Variants in SOX5 observed in about 807,000 individuals in gnomAD.
SOX5 encodes SRY-box transcription factor 5, also known as transcription factor SOX-5.
A neutral mutation model predicts 92.0 loss-of-function variants in SOX5; 9 were observed. That is an observed-to-expected ratio of 0.10 (90% confidence interval 0.06 to 0.17). The LOEUF (loss-of-function observed/expected upper bound fraction) is 0.17, where lower values mean the gene tolerates loss of function less well. SOX5 is among the 10% of genes least tolerant of loss of function. The probability of loss-of-function intolerance (pLI) is 1.00; values close to 1 mark genes in which losing one functional copy is unlikely to be tolerated. For missense variants in SOX5, 642 were observed against 944.5 expected (o/e 0.68, Z 4.20); for synonymous variants, 344 against 336.3 (o/e 1.02, Z -0.25).
At chr12:23,645,830 T>C (rs1461177332) in intron 7 of SOX5, among the ~76,000 whole-genome samples, 1 of 152,206 alleles carries the variant, frequency 6.6e-6, no homozygotes, top group East Asian at 1.9e-4. Context: ...TAAATGTATA[T>C]ATACACAGGA....
chr12:23,717,662 G>T (rs2092584939), intron 6 of SOX5, among the ~76,000 whole-genome samples: 1 of 152,208 alleles, frequency 6.6e-6, no homozygotes, highest in African/African-American at 2.4e-5. Flanking sequence ...CATTATAACA[G>T]ATGATGTGGG....
chr12:23,721,306 A>T (rs1277432963), intron 6 of SOX5, among the ~76,000 whole-genome samples: 2 of 151,992 alleles, frequency 1.3e-5, no homozygotes, highest in Non-Finnish European at 2.9e-5. Flanking sequence ...GCTGGTCTCG[A>T]ACTCCCGACC....
chr12:23,713,150 CAG>C (rs1422181140), intron 6 of SOX5, among the ~76,000 whole-genome samples: 1 of 152,112 alleles, frequency 6.6e-6, no homozygotes, highest in African/African-American at 2.4e-5. Context: ...GGGGAGAAAA[CAG>C]TGTAGGGACA....
intron 2 of SOX5, among the ~76,000 whole-genome samples, chr12:24,284,716 T>C (rs1309975294): frequency 6.6e-6 from 1 of 152,172 alleles, no homozygotes; most frequent in Non-Finnish European, 1.5e-5. Context: ...CTATTCCCTT[T>C]GTCTCTCCAG....
chr12:24,551,194 C>T (rs925759689), intron 1 of SOX5, among the ~76,000 whole-genome samples: 3 of 152,196 alleles, frequency 2.0e-5, no homozygotes, highest in Admixed American at 2.0e-4. Context: ...CTCCCCCCAG[C>T]CCCAAACCAA....
chr12:23,846,082 C>T lies in SOX5; in HGVS notation c.382G>A (p.Ala128Thr). The T allele has an allele frequency of 4.3e-6, 7 of 1,614,136 alleles. No individual in the cohort carries two copies. The highest frequency in any genetic ancestry group is 5.9e-6 in the Non-Finnish European group (7 of 1,180,002). The change falls in exon 3 of 15, where the codon GCC (alanine) becomes ACC (threonine). Residue 128 changes from alanine to threonine, a missense_variant. Coordinates refer to ENST00000451604, the MANE Select transcript of SOX5 (RefSeq NM_006940.6). ...RQSGESLSST[A>T]LGTPERRKGS... ...TTGCGCCGTTCAGGAGTTCCCAGGG[C>T]TGTACTAGACAAGGACTCGCCACTC... is the stretch of plus-strand genomic sequence containing the variant.
At chr12:24,004,316 A>C (rs1248170252) in intron 4 of SOX5, among the ~76,000 whole-genome samples, 3 of 152,006 alleles carry the variant, frequency 2.0e-5, no homozygotes, top group Non-Finnish European at 4.4e-5. Context: ...CTCAAAAAAA[A>C]AAACACAAGC....
In SOX5 at chr12:23,827,646, G is replaced by C. The variant is rs867674404; in HGVS notation, c.481+18337C>G. ...GTTTCGATGTTGCTGTCAGGTACCAGACAGTTGCTTGGCACTGCGGATACA... is the reference window on the plus strand; with the variant it reads ...GTTTCGATGTTGCTGTCAGGTACCACACAGTTGCTTGGCACTGCGGATACA... On this transcript the variant is annotated intron_variant, in intron 3 of 14. Coordinates refer to ENST00000451604, the MANE Select transcript of SOX5 (RefSeq NM_006940.6). 3.3e-5 allele frequency among the ~76,000 whole-genome samples: 5 copies of C among 152,188 alleles called. No homozygotes were observed. The South Asian group carries it at 6.2e-4, about 19-fold the overall frequency.
chr12:24,482,826 T>C (rs1946144239), intron 1 of SOX5, among the ~76,000 whole-genome samples: 1 of 152,216 alleles, frequency 6.6e-6, no homozygotes, highest in African/African-American at 2.4e-5. Flanking sequence ...AATAAGAGTA[T>C]TGTGAATAAA....
At chr12:23,912,612 A>C (rs1391819457) in intron 1 of SOX5, among the ~76,000 whole-genome samples, 4 of 152,232 alleles carry the variant, frequency 2.6e-5, no homozygotes, top group African/African-American at 9.6e-5. Context: ...ATGAATGAAA[A>C]AACAATACGT....
intron 3 of SOX5, among the ~76,000 whole-genome samples, chr12:24,245,893 G>A (rs1452704652): frequency 2.0e-5 from 3 of 152,146 alleles, no homozygotes. Context: ...GTGATAAAGA[G>A]AAGAAAATAA....
chr12:23,674,457 C>A (rs1187747913), intron 6 of SOX5, among the ~76,000 whole-genome samples: 2 of 148,316 alleles, frequency 1.3e-5, no homozygotes, highest in Non-Finnish European at 3.0e-5. Context: ...CCTTCCTCAG[C>A]CTCCAGAGTA....
At chr12:23,849,096 T>C (rs185130910) in intron 2 of SOX5, among the ~76,000 whole-genome samples, 37 of 152,334 alleles carry the variant, frequency 2.4e-4, no homozygotes, top group African/African-American at 8.9e-4. Flanking sequence ...ATTTAAACTC[T>C]ATATGATGTG....
chr12:23,870,665 C>T (rs751612320), intron 2 of SOX5, among the ~76,000 whole-genome samples: 3 of 152,086 alleles, frequency 2.0e-5, no homozygotes, highest in African/African-American at 7.2e-5. Flanking sequence ...AACTATTCAA[C>T]CTATGTTTTC....
intron 1 of SOX5, among the ~76,000 whole-genome samples, chr12:24,464,953 C>T (rs1944060598): frequency 6.6e-6 from 1 of 152,128 alleles, no homozygotes; most frequent in Admixed American, 6.5e-5. Context: ...CCAACAAGTC[C>T]AGGATAGCTG....
intron 3 of SOX5, among the ~76,000 whole-genome samples, chr12:24,273,185 C>A (rs1402295115): frequency 6.6e-6 from 1 of 152,116 alleles, no homozygotes; most frequent in Non-Finnish European, 1.5e-5. Flanking sequence ...CTTGAACCTG[C>A]AAGGCAGAGG....
chr12:23,650,617 C>T (rs2081431324), intron 7 of SOX5, among the ~76,000 whole-genome samples: 1 of 152,088 alleles, frequency 6.6e-6, no homozygotes, highest in Admixed American at 6.6e-5. Context: ...TGCCTTCAAG[C>T]TTGGGGGAGC....
chr12:24,324,537 T>C (rs776761128), intron 2 of SOX5, among the ~76,000 whole-genome samples: 11 of 152,078 alleles, frequency 7.2e-5, no homozygotes, highest in Admixed American at 1.3e-4. Flanking sequence ...ATCACAAAAG[T>C]TAACCGTACT....
chr12:24,442,746 G>A (rs748182312), intron 1 of SOX5, among the ~76,000 whole-genome samples: 14 of 152,072 alleles, frequency 9.2e-5, no homozygotes, highest in East Asian at 1.9e-4. Flanking sequence ...GGTGAAGAGC[G>A]AGCAAGAGAT....
Sources: allele counts gnomAD v4.1 joint callset (sites outside exome capture counted in the v4.1 genomes callset), GRCh38; gene constraint gnomAD v4.1.1; transcripts MANE v1.5; gene names NCBI Gene and HGNC (gene_info 2026-07-23, HGNC 2026-07-21).